The following PACRG variants were observed in gnomAD, a reference collection of about 807,000 sequenced individuals.
The protein encoded by PACRG is parkin coregulated gene protein.
A neutral mutation model predicts 29.7 loss-of-function variants in PACRG; 29 were observed. The ratio of observed to expected loss-of-function variants is 0.98; its 90% CI spans 0.73 to 1.33. The LOEUF (loss-of-function observed/expected upper bound fraction) is 1.33. Ranked by LOEUF, PACRG falls within the 40% of genes most tolerant of loss-of-function variation. The pLI, the probability that PACRG is intolerant of heterozygous loss-of-function variation, is 0.00. For synonymous variants in PACRG, 116 were observed against 118.7 expected (o/e 0.98, Z 0.15); for missense variants, 279 against 316.2 (o/e 0.88, Z 0.89).
At chr6:163,051,128 G>C (rs1809965027) in intron 2 of PACRG, 2 of 152,112 alleles carry the variant, frequency 1.3e-5, no homozygotes, top group African/African-American at 4.8e-5. Context: ...GTTCAACCTA[G>C]CTACTGAATT....
chr6:162,746,889 A>C (rs1447382847), intron 1 of PACRG, among the ~76,000 whole-genome samples: 1 of 152,218 alleles, frequency 6.6e-6, no homozygotes, highest in Non-Finnish European at 1.5e-5. Context: ...CCTTCTCTGT[A>C]TCACACTTGG....
intron 2 of PACRG, among the ~76,000 whole-genome samples, chr6:162,826,051 A>G (rs905806869): frequency 2.6e-5 from 4 of 152,280 alleles, no homozygotes; most frequent in South Asian, 2.1e-4. Flanking sequence ...ATCTTCGCTT[A>G]CATGCAGATT....
intron 4 of PACRG, among the ~76,000 whole-genome samples, chr6:163,256,749 C>G (rs772639725): frequency 1.3e-5 from 2 of 152,172 alleles, no homozygotes; most frequent in Admixed American, 1.3e-4. Context: ...AGGACACTGA[C>G]GGTGACCCTG....
intron 4 of PACRG, among the ~76,000 whole-genome samples, chr6:163,159,793 A>G (rs1429429680): frequency 6.6e-6 from 1 of 152,180 alleles, no homozygotes; most frequent in Admixed American, 6.5e-5. Flanking sequence ...TTCTAATTTT[A>G]CTTCGAAGAA....
intron 2 of PACRG, among the ~76,000 whole-genome samples, chr6:162,884,539 T>C (rs1336420601): frequency 6.6e-6 from 1 of 152,192 alleles, no homozygotes; most frequent in African/African-American, 2.4e-5. Context: ...GGATATTATC[T>C]CAACTATTTT....
chr6:162,962,912 C>A (rs1024155128), intron 2 of PACRG, among the ~76,000 whole-genome samples: 1 of 152,110 alleles, frequency 6.6e-6, no homozygotes, highest in Non-Finnish European at 1.5e-5. Flanking sequence ...GTTATGAAAG[C>A]AAATTGACTT....
intron 1 of PACRG, among the ~76,000 whole-genome samples, chr6:162,790,872 A>T (rs1312344154): frequency 6.6e-6 from 1 of 152,236 alleles, no homozygotes; most frequent in Non-Finnish European, 1.5e-5. Flanking sequence ...CTTCTAAAAT[A>T]TTGAGTTACA....
At chr6:163,081,623 G>C (rs1401072112) in intron 3 of PACRG, among the ~76,000 whole-genome samples, 2 of 152,120 alleles carry the variant, frequency 1.3e-5, no homozygotes, top group Non-Finnish European at 2.9e-5. Context: ...AGCCATGGTG[G>C]TGTGTGCCTG....
chr6:163,050,220 T>G (rs1390286567), intron 2 of PACRG, among the ~76,000 whole-genome samples: 1 of 152,176 alleles, frequency 6.6e-6, no homozygotes, highest in Non-Finnish European at 1.5e-5. Context: ...TTTCATTCCC[T>G]CTTCTCTATT....
chr6:163,131,694 G>C (rs1010519563), intron 4 of PACRG, among the ~76,000 whole-genome samples: 48 of 152,188 alleles, frequency 3.2e-4, no homozygotes, highest in Non-Finnish European at 3.2e-4. Context: ...GCTGTGAATC[G>C]GAGCGATCCT....
At position 163,261,793 on chromosome 6, in the gene PACRG, T is replaced by C. The variant is rs1054517137; in HGVS notation, c.614-53034T>C. ...CTATTTACATAGCCTTACATTGTGT[T>C]AGATATGATAAGTAATATAGAGATG... On this transcript the variant is annotated intron_variant, in intron 4 of 4. Coordinates refer to ENST00000366888, the MANE Select transcript of PACRG (RefSeq NM_001080379.2). Among the ~76,000 whole-genome samples the C allele has an allele frequency of 2.6e-5, 4 of 152,306 alleles. No individual in the cohort carries two copies. The East Asian group carries it at 7.7e-4, about 29-fold the overall frequency.
chr6:163,001,884 C>A (rs1804624131), intron 2 of PACRG, among the ~76,000 whole-genome samples: 1 of 152,110 alleles, frequency 6.6e-6, no homozygotes, highest in Non-Finnish European at 1.5e-5. Context: ...TGTTTAGCCC[C>A]AGAAAATTCA....
intron 4 of PACRG, among the ~76,000 whole-genome samples, chr6:163,245,530 A>G (rs931660448): frequency 1.3e-5 from 2 of 152,158 alleles, no homozygotes; most frequent in Non-Finnish European, 2.9e-5. Context: ...GCCATTAAGG[A>G]AACAGAATGG....
intron 1 of PACRG, among the ~76,000 whole-genome samples, chr6:162,808,867 A>G (rs1005383785): frequency 6.6e-6 from 1 of 152,182 alleles, no homozygotes; most frequent in African/African-American, 2.4e-5. Context: ...AAAATTTATA[A>G]TATTTTCTCT....
At chr6:163,233,320 C>A (rs1782119508) in intron 4 of PACRG, among the ~76,000 whole-genome samples, 1 of 152,172 alleles carries the variant, frequency 6.6e-6, no homozygotes, top group Non-Finnish European at 1.5e-5. Flanking sequence ...AAAAGTTCAC[C>A]TGCCAGTAAA....
intron 4 of PACRG, among the ~76,000 whole-genome samples, chr6:163,254,924 T>G (rs1183092055): frequency 6.6e-6 from 1 of 152,248 alleles, no homozygotes; most frequent in Non-Finnish European, 1.5e-5. Context: ...CTCAGTATCT[T>G]AACACCTTCT....
intron 2 of PACRG, among the ~76,000 whole-genome samples, chr6:162,922,109 G>A (rs1466462110): frequency 6.6e-6 from 1 of 151,920 alleles, no homozygotes; most frequent in Non-Finnish European, 1.5e-5. Flanking sequence ...GTGCACATGT[G>A]TGGGCCGGTG....
At chr6:162,810,066 G>T (rs563030249) in intron 1 of PACRG, among the ~76,000 whole-genome samples, 1 of 152,256 alleles carries the variant, frequency 6.6e-6, no homozygotes, top group South Asian at 2.1e-4. Flanking sequence ...TATGATGTCA[G>T]TGTGGACAAT....
intron 1 of PACRG, among the ~76,000 whole-genome samples, chr6:162,795,163 T>C (rs1163620488): frequency 1.3e-5 from 2 of 151,814 alleles, no homozygotes; most frequent in Non-Finnish European, 2.9e-5. Context: ...GCCTGATATG[T>C]TCAAGGGAAG....
Sources: allele counts gnomAD v4.1 joint callset (sites outside exome capture counted in the v4.1 genomes callset), GRCh38; gene constraint gnomAD v4.1.1; transcripts MANE v1.5; gene names NCBI Gene and HGNC (gene_info 2026-07-23, HGNC 2026-07-21).